The following SMAP1 variants were observed in gnomAD, a reference collection of about 807,000 sequenced individuals.
SMAP1 encodes the protein small ArfGAP 1.
SMAP1 carries 24 observed loss-of-function variants against 58.5 expected under a neutral mutation model. That is an observed-to-expected ratio of 0.41 (90% CI 0.30 to 0.58). The LOEUF (loss-of-function observed/expected upper bound fraction) is 0.58. SMAP1 is among the 20% of genes least tolerant of loss of function. The pLI is 0.29. For synonymous variants in SMAP1, 216 were observed against 196.6 expected, an observed-to-expected ratio of 1.10 and a Z score of -0.82; for missense variants, 563 against 566.3, an observed-to-expected ratio of 0.99 and a Z score of 0.06.
At chr6:70,781,367 T>C (rs1281639182) in intron 4 of SMAP1, among the ~76,000 whole-genome samples, 2 of 152,196 alleles carry the variant, frequency 1.3e-5, no homozygotes, top group Admixed American at 1.3e-4. Context: ...ATGGGTTATA[T>C]ACTAATTTAG....
chr6:70,721,257 A>G (rs973668947), intron 1 of SMAP1, among the ~76,000 whole-genome samples: 4 of 152,134 alleles, frequency 2.6e-5, no homozygotes, highest in Admixed American at 2.6e-4. Context: ...GCTGCTTAGA[A>G]ATTTTTTCCG....
chr6:70,852,248 T>TA (rs1332540513), intron 7 of SMAP1, among the ~76,000 whole-genome samples: 2 of 151,900 alleles, frequency 1.3e-5, no homozygotes, highest in African/African-American at 2.4e-5. Context: ...ATGATCTTAT[T>TA]AAAAAAAATT....
chr6:70,804,839 G>T (rs538596466), intron 6 of SMAP1, among the ~76,000 whole-genome samples: 1 of 151,926 alleles, frequency 6.6e-6, no homozygotes, highest in Non-Finnish European at 1.5e-5. Context: ...CTCTCTTCTG[G>T]CCTATAGTGT....
At chr6:70,714,165 C>G (rs938353583) in intron 1 of SMAP1, among the ~76,000 whole-genome samples, 1 of 148,988 alleles carries the variant, frequency 6.7e-6, no homozygotes, top group African/African-American at 2.5e-5. Flanking sequence ...ATAGTTGGAT[C>G]TTTTTTTTTT....
intron 1 of SMAP1, among the ~76,000 whole-genome samples, chr6:70,672,102 T>C (rs1766290314): frequency 6.6e-6 from 1 of 152,224 alleles, no homozygotes; most frequent in Admixed American, 6.5e-5. Flanking sequence ...CTGTTAGATA[T>C]TGTATTAGGT....
intron 3 of SMAP1, among the ~76,000 whole-genome samples, chr6:70,761,077 A>G (rs1766727477): frequency 6.6e-6 from 1 of 152,034 alleles, no homozygotes; most frequent in Non-Finnish European, 1.5e-5. Context: ...TTGAAACTGG[A>G]AGATTTTCTT....
intron 2 of SMAP1, among the ~76,000 whole-genome samples, chr6:70,742,863 A>G (rs1765873964): frequency 6.6e-6 from 1 of 152,206 alleles, no homozygotes; most frequent in Admixed American, 6.5e-5. Flanking sequence ...AGAGAATGAG[A>G]GCCAAGTGAA....
rs1243586484 is a variant in SMAP1, at chr6:70,803,763, A to C, written c.576+5026A>C. On this transcript the variant is annotated intron_variant, in intron 6 of 10. Coordinates refer to ENST00000370455, the MANE Select transcript of SMAP1 (RefSeq NM_001044305.3). ...TCATTTCTTTACTCAGTAGTCATTC[A>C]GGAGCAGGTTGTTCAGTTTCCATGT... Among the ~76,000 whole-genome samples the C allele has an allele frequency of 3.3e-5, 5 of 152,194 alleles. 1 individual carries two copies. Among genetic ancestry groups the C allele is most frequent in the Admixed American group, 6.5e-5 (1 of 15,286 alleles).
At chr6:70,681,781 A>G (rs1463233122) in intron 1 of SMAP1, among the ~76,000 whole-genome samples, 1 of 152,164 alleles carries the variant, frequency 6.6e-6, no homozygotes, top group Admixed American at 6.5e-5. Context: ...GAGTTGTGTT[A>G]TTCATACACA....
At chr6:70,836,863 C>A in intron 6 of SMAP1, 78 bp from the exon 7 acceptor site, 3 of 1,140,942 alleles carry the variant, frequency 2.6e-6, no homozygotes, top group East Asian at 2.7e-5. Flanking sequence ...TTTATCAGAA[C>A]CCTGTAATTA....
At chr6:70,706,200 T>A (rs148930092) in intron 1 of SMAP1, among the ~76,000 whole-genome samples, 9 of 152,278 alleles carry the variant, frequency 5.9e-5, no homozygotes, top group African/African-American at 2.2e-4. Context: ...GATCCTATTT[T>A]GATTTTTTTA....
At chr6:70,726,444 G>A (rs190513351) in intron 1 of SMAP1, among the ~76,000 whole-genome samples, 1 of 152,294 alleles carries the variant, frequency 6.6e-6, no homozygotes, top group East Asian at 1.9e-4. Context: ...AAGTCATTGT[G>A]ATAAATGTTA....
At chr6:70,685,704 A>C (rs1766908148) in intron 1 of SMAP1, among the ~76,000 whole-genome samples, 1 of 152,160 alleles carries the variant, frequency 6.6e-6, no homozygotes, top group Admixed American at 6.5e-5. Context: ...ACAATTGTTG[A>C]TTTGGGAGTT....
chr6:70,762,659 T>A (rs1298375506), intron 3 of SMAP1, among the ~76,000 whole-genome samples: 1 of 152,156 alleles, frequency 6.6e-6, no homozygotes, highest in Non-Finnish European at 1.5e-5. Context: ...TTAAAAAGTA[T>A]AAAAAGTGAT....
chr6:70,758,486 A>G (rs975022861), intron 3 of SMAP1, among the ~76,000 whole-genome samples: 1 of 151,812 alleles, frequency 6.6e-6, no homozygotes, highest in Non-Finnish European at 1.5e-5. Flanking sequence ...TAACCTGCAC[A>G]TTGTGCACAT....
At chr6:70,749,006 T>A (rs1188691007) in intron 2 of SMAP1, among the ~76,000 whole-genome samples, 2 of 152,022 alleles carry the variant, frequency 1.3e-5, no homozygotes, top group African/African-American at 4.8e-5. Context: ...TAGAAGAAAA[T>A]TGGCATATTA....
chr6:70,672,570 G>A (rs1337192749), intron 1 of SMAP1, among the ~76,000 whole-genome samples: 1 of 152,168 alleles, frequency 6.6e-6, no homozygotes, highest in Admixed American at 6.5e-5. Flanking sequence ...TATCCCTGCT[G>A]GATTATAGCT....
At chr6:70,682,430 C>T (rs975115671) in intron 1 of SMAP1, among the ~76,000 whole-genome samples, 1 of 151,848 alleles carries the variant, frequency 6.6e-6, no homozygotes, top group African/African-American at 2.4e-5. Flanking sequence ...CTCAAGTGAT[C>T]CACCTGCCTT....
chr6:70,767,736 C>T (rs947052811), intron 3 of SMAP1, among the ~76,000 whole-genome samples: 1 of 142,706 alleles, frequency 7.0e-6, no homozygotes, highest in East Asian at 2.0e-4. Context: ...TTGAATAACC[C>T]TTTATTTCCT....
Sources: gnomAD v4.1 joint callset for allele counts (sites outside exome capture counted in the v4.1 genomes callset) on GRCh38, gnomAD v4.1.1 for gene constraint, MANE v1.5 for transcripts, NCBI Gene and HGNC (gene_info 2026-07-23, HGNC 2026-07-21) for gene names.